The following MALAT1 variants were observed in gnomAD, a reference collection of about 807,000 sequenced individuals.
MALAT1 encodes the protein metastasis associated lung adenocarcinoma transcript 1.
Position 65,506,291 on chromosome 11 carries a change from A to G in MALAT1, n.5200A>G, listed in dbSNP as rs762301509. ...GGTAACAGCACAATATCTTTGAACTATATACATCCTTGATGTATAATTTGT... is the reference window on the plus strand; with the variant it reads ...GGTAACAGCACAATATCTTTGAACTGTATACATCCTTGATGTATAATTTGT... On this transcript the variant is annotated non_coding_transcript_exon_variant, in exon 4 of 4. Coordinates refer to ENST00000619449, the Ensembl canonical transcript of MALAT1. The G allele has an allele frequency of 3.0e-5, 14 of 463,156 alleles. No homozygotes were observed. The East Asian group carries it at 5.9e-4, about 20-fold the overall frequency. The allele number at this position is 463,156 out of a possible 1,614,324, so 28.7% of individuals were successfully genotyped here.
At chr11:65,501,716 AAGTACAGCAC>A in exon 3 of MALAT1, 1 of 519,012 alleles carries the variant, frequency 1.9e-6, no homozygotes, top group Non-Finnish European at 3.8e-6. Flanking sequence ...TGAAGCTGAA[AAGTACAGCAC>A]AGTGCAGCTT....
At chr11:65,502,525 T>C (rs1159425404) in exon 3 of MALAT1, 3 of 485,290 alleles carry the variant, frequency 6.2e-6, no homozygotes, top group Non-Finnish European at 1.2e-5. Flanking sequence ...TATTTTAAAC[T>C]TATCTGTTTG....
chr11:65,504,328 T>G (rs1166730272), intron 3 of MALAT1: 2 of 511,116 alleles, frequency 3.9e-6, no homozygotes, highest in African/African-American at 3.9e-5. Context: ...TTTTACAGAC[T>G]TCACAGAGAA....
At chr11:65,505,831 G>A (rs1343717925) in intron 3 of MALAT1, 2 of 491,836 alleles carry the variant, frequency 4.1e-6, no homozygotes, top group South Asian at 1.5e-5. Flanking sequence ...GAAATAACAT[G>A]TTCAAGAACT....
intron 3 of MALAT1, chr11:65,505,785 T>A (rs181273779): frequency 4.5e-5 from 23 of 515,826 alleles, no homozygotes; most frequent in South Asian, 2.7e-4. Context: ...ATAATACTTA[T>A]CCAGTGACTA....
At chr11:65,499,855 AG>A in exon 3 of MALAT1, 1 of 424,226 alleles carries the variant, frequency 2.4e-6, no homozygotes, top group Non-Finnish European at 4.6e-6. Flanking sequence ...ATTGGAAGAT[AG>A]AAACAAGATA....
rs369955182 is a variant in MALAT1 at position 65,501,853 on chromosome 11, A to G, written n.3116A>G. On this transcript the variant is annotated non_coding_transcript_exon_variant, in exon 3 of 4. Transcript: ENST00000619449. The stretch of plus-strand genomic sequence containing the variant: ...AAGTTTTATTAAAGGGGAGGGGCAA[A>G]TATTGGCAATTAGTTGGCAGTGGCC... 5.6e-5 allele frequency: 29 copies of G among 517,604 alleles called. No individual in the cohort carries two copies. In the East Asian group the frequency reaches 1.1e-3, roughly 20 times the overall value. The allele number at this position is 517,604 out of a possible 1,614,324, so 32.1% of individuals were successfully genotyped here.
intron 1 of MALAT1, chr11:65,498,061 C>T (rs764524680): frequency 5.8e-6 from 3 of 518,842 alleles, no homozygotes; most frequent in African/African-American, 1.9e-5. Flanking sequence ...TGCTCCGGTT[C>T]AGAAGGTCTG....
At chr11:65,505,448 C>T in intron 3 of MALAT1, 1 of 512,868 alleles carries the variant, frequency 1.9e-6, no homozygotes, top group Non-Finnish European at 3.9e-6. Context: ...GCCCAAATCT[C>T]AAGCGGTGCT....
At chr11:65,505,972 C>A in intron 3 of MALAT1, 1 of 449,806 alleles carries the variant, frequency 2.2e-6, no homozygotes, top group African/African-American at 2.0e-5. Flanking sequence ...CAGACTTGGC[C>A]AAGCTAGCAT....
exon 3 of MALAT1, chr11:65,503,572 A>G (rs1446619327): frequency 1.2e-5 from 6 of 517,226 alleles, no homozygotes; most frequent in Admixed American, 9.8e-5. Flanking sequence ...TGTGATGTAA[A>G]TTGTGTAGAA....
At chr11:65,503,959 T>TC (rs761974516) in intron 3 of MALAT1, 6 of 515,756 alleles carry the variant, frequency 1.2e-5, no homozygotes, top group African/African-American at 1.2e-4. Context: ...TTCCAGAAAG[T>TC]CAGGGGTCTA....
At chr11:65,504,628 G>T (rs1302421465) in intron 3 of MALAT1, 6 of 518,860 alleles carry the variant, frequency 1.2e-5, no homozygotes, top group Non-Finnish European at 2.3e-5. Context: ...CTGGTGGTGG[G>T]AGGGGACTGA....
At chr11:65,506,207 T>G in intron 3 of MALAT1, 1 of 452,576 alleles carries the variant, frequency 2.2e-6, no homozygotes, top group Non-Finnish European at 4.3e-6. Flanking sequence ...TTCAGGACTC[T>G]TTCTGTATTT....
At chr11:65,504,585 T>A (rs1854634297) in intron 3 of MALAT1, 1 of 518,824 alleles carries the variant, frequency 1.9e-6, no homozygotes, top group Admixed American at 1.9e-5. Context: ...ATTTTGCTGG[T>A]GTATTTTTAG....
exon 3 of MALAT1, chr11:65,502,130 A>T (rs1322473073): frequency 3.9e-6 from 2 of 516,082 alleles, no homozygotes. Context: ...ATAATTTGAT[A>T]CTGTATCTGT....
exon 3 of MALAT1, chr11:65,500,483 T>TGAGG (rs1371527542): frequency 1.9e-6 from 1 of 518,728 alleles, no homozygotes; most frequent in Non-Finnish European, 3.8e-6. Context: ...AAGCTAGGAC[T>TGAGG]GAGGAGCAAG....
chr11:65,505,173 T>G (rs1348800758), intron 3 of MALAT1: 2 of 518,828 alleles, frequency 3.9e-6, no homozygotes, highest in Non-Finnish European at 7.7e-6. Context: ...AAGCCTTTTT[T>G]TAAGATTTTT....
intron 3 of MALAT1, chr11:65,506,126 G>A (rs753214876): frequency 7.5e-6 from 3 of 400,794 alleles, no homozygotes; most frequent in Admixed American, 3.3e-5. Flanking sequence ...AGATGCTGGT[G>A]GTTGGCACTC....
Sources: allele counts gnomAD v4.1 joint callset, GRCh38; gene constraint gnomAD v4.1.1; transcripts MANE v1.5; gene names NCBI Gene and HGNC (gene_info 2026-07-23, HGNC 2026-07-21).